Variants in ERLEC1 observed in about 807,000 individuals in gnomAD.
ERLEC1 encodes the protein ER lectin.
Under a neutral mutation model 68.0 loss-of-function variants are expected in ERLEC1, and 47 were observed. The ratio of observed to expected loss-of-function variants is 0.69; its 90% CI spans 0.55 to 0.88. The LOEUF is 0.88. Ranked by LOEUF, ERLEC1 falls within the 40% of genes least tolerant of loss-of-function variation. The pLI, the probability that ERLEC1 is intolerant of heterozygous loss-of-function variation, is 0.00. For synonymous variants in ERLEC1, 225 were observed against 203.2 expected (o/e 1.11, Z -0.91); for missense variants, 567 against 583.8 (o/e 0.97, Z 0.30).
intron 8 of ERLEC1, among the ~76,000 whole-genome samples, chr2:53,803,766 A>G (rs1242387069): frequency 2.6e-5 from 4 of 152,218 alleles, no homozygotes; most frequent in African/African-American, 9.6e-5. Flanking sequence ...TAATTAATTA[A>G]ATAATAGGTT....
intron 10 of ERLEC1, among the ~76,000 whole-genome samples, chr2:53,811,962 G>T (rs1676612119): frequency 6.6e-6 from 1 of 152,076 alleles, no homozygotes; most frequent in Non-Finnish European, 1.5e-5. Flanking sequence ...TTATTGCTCA[G>T]GCTGGAGTGC....
intron 8 of ERLEC1, among the ~76,000 whole-genome samples, chr2:53,805,242 C>T (rs1045100631): frequency 2.6e-5 from 4 of 151,954 alleles, no homozygotes; most frequent in Admixed American, 6.6e-5. Context: ...AAGCTGGTCT[C>T]GAACTCCTGA....
intron 1 of ERLEC1, among the ~76,000 whole-genome samples, chr2:53,792,582 ACTTAAAACAGTACTGTC>A (rs1027391097): frequency 6.6e-6 from 1 of 152,238 alleles, no homozygotes; most frequent in African/African-American, 2.4e-5. Flanking sequence ...AATGTAAAAC[ACTTAAAACAGTACTGTC>A]CTAGAACTAA....
chr2:53,810,168 C>G (rs941300269), intron 10 of ERLEC1, among the ~76,000 whole-genome samples: 14 of 151,862 alleles, frequency 9.2e-5, no homozygotes, highest in Admixed American at 7.9e-4. Context: ...GTTTCTCAGC[C>G]AAAAGAATAA....
intron 13 of ERLEC1, among the ~76,000 whole-genome samples, chr2:53,816,489 G>A (rs989046941): frequency 4.6e-5 from 7 of 151,752 alleles, no homozygotes; most frequent in African/African-American, 7.3e-5. Flanking sequence ...GCCTAGTCTC[G>A]AACTCCTGAC....
At chr2:53,810,312 A>C (rs1676523202) in intron 10 of ERLEC1, among the ~76,000 whole-genome samples, 1 of 152,164 alleles carries the variant, frequency 6.6e-6, no homozygotes, top group Non-Finnish European at 1.5e-5. Context: ...TCTACAAAAA[A>C]TTTTAAAAAT....
intron 5 of ERLEC1, 27 bp downstream of exon 5, chr2:53,797,822 G>C (rs368247208): frequency 4.4e-5 from 69 of 1,569,660 alleles, no homozygotes; most frequent in Middle Eastern, 2.1e-4. Flanking sequence ...TGATTTGACA[G>C]TAATGCTGGA....
At chr2:53,796,246 G>GTTTTT (rs200295316) in intron 3 of ERLEC1, among the ~76,000 whole-genome samples, 8 of 126,466 alleles carry the variant, frequency 6.3e-5, no homozygotes, top group Non-Finnish European at 8.3e-5. Context: ...TGATGGGTTG[G>GTTTTT]TTTTTTTTTT....
intron 1 of ERLEC1, 98 bp downstream of exon 1, chr2:53,787,470 C>G: frequency 7.2e-7 from 1 of 1,379,902 alleles, no homozygotes; most frequent in Non-Finnish European, 9.8e-7. Flanking sequence ...CCAAGACCTT[C>G]TCTGCAGACT....
chr2:53,789,657 A>G (rs1424145320), intron 1 of ERLEC1, among the ~76,000 whole-genome samples: 2 of 152,248 alleles, frequency 1.3e-5, no homozygotes, highest in Admixed American at 1.3e-4. Flanking sequence ...AAGCCACAAT[A>G]GTCATTATCA....
intron 1 of ERLEC1, among the ~76,000 whole-genome samples, chr2:53,790,099 G>T (rs913504795): frequency 2.0e-5 from 3 of 151,588 alleles, no homozygotes; most frequent in Non-Finnish European, 4.4e-5. Flanking sequence ...CAGTTGGTTG[G>T]ACATTTGTGT....
Position 53,814,875 on chromosome 2 carries a change from T to C in ERLEC1, c.1320T>C (p.Asp440=), listed in dbSNP as rs773592616. Residue 440 remains aspartate, a synonymous_variant, in exon 13 of 14, where the codon GAT becomes GAC. Transcript: ENST00000185150. ...VTVKLKCKES[D]SPHAVTVYML... ...TCTGTTTTAGGTGCAAAGAATCAGA[T>C]TCACCTCATGCTGTTACTGTATATA... is the stretch of plus-strand genomic sequence containing the variant. 6.2e-7 allele frequency: 1 copy of C among 1,608,618 alleles called. No homozygotes were observed. The highest frequency in any genetic ancestry group is 1.7e-4 in the Middle Eastern group (1 of 6,050).
chr2:53,809,195 A>T lies in ERLEC1; in HGVS notation c.1042-19A>T, dbSNP rs746151634. 1.3e-6 allele frequency: 2 copies of T among 1,572,032 alleles called. No homozygotes were observed. The highest frequency in any genetic ancestry group is 4.6e-5 in the East Asian group (2 of 43,406). ...GGCCCAGTTCTTAACTTGATCTAATATGTTTTCTTTTTTTTTAGGGTGTCG... is the reference window on the plus strand; with the variant it reads ...GGCCCAGTTCTTAACTTGATCTAATTTGTTTTCTTTTTTTTTAGGGTGTCG... On this transcript the variant is annotated intron_variant, in intron 9 of 13. Coordinates refer to ENST00000185150, the MANE Select transcript of ERLEC1 (RefSeq NM_015701.5).
chr2:53,805,409 G>T (rs2104316244), intron 8 of ERLEC1, among the ~76,000 whole-genome samples: 1 of 151,954 alleles, frequency 6.6e-6, no homozygotes, highest in Admixed American at 6.6e-5. Context: ...GTAGAGAAAG[G>T]GTCTTGCTAT....
Position 53,799,090 on chromosome 2 carries a change from C to T in ERLEC1, c.525+9C>T, listed in dbSNP as rs1291530811. 1.2e-6 allele frequency: 2 copies of T among 1,610,444 alleles called. No homozygotes were observed. Among genetic ancestry groups the T allele is most frequent in the African/African-American group, 1.3e-5 (1 of 74,978 alleles). On this transcript the variant is annotated intron_variant, in intron 6 of 13. Coordinates refer to ENST00000185150, the MANE Select transcript of ERLEC1 (RefSeq NM_015701.5). ...AGGAAAAATCAAATGAGGCAAGTGACAGATGTTGATTTTTTTCCTCTTAAC... is the reference window on the plus strand; with the variant it reads ...AGGAAAAATCAAATGAGGCAAGTGATAGATGTTGATTTTTTTCCTCTTAAC...
At position 53,787,305 on chromosome 2, in the gene ERLEC1, G is replaced by A. The variant is rs1165323990; in HGVS notation, c.95G>A (p.Arg32Gln). The change falls in exon 1 of 14, where the codon CGA becomes CAA. Residue 32 changes from arginine to glutamine, a missense_variant. Coordinates refer to ENST00000185150, the MANE Select transcript of ERLEC1 (RefSeq NM_015701.5). ...CGLLEASGGG[R>Q]ALPQLSDDIP... ...CTCCTGGAGGCGTCCGGCGGCGGCC[G>A]AGCCCTTCCTCAACTCAGCGATGAC... The A allele has an allele frequency of 2.5e-6, 4 of 1,610,430 alleles. No individual in the cohort carries two copies. The highest frequency in any genetic ancestry group is 1.7e-5 in the Admixed American group (1 of 60,000).
Position 53,818,552 on chromosome 2 carries a change from TTTATA to T in ERLEC1, c.*584_*588del, listed in dbSNP as rs1677018693. On this transcript the variant is annotated 3_prime_UTR_variant, in exon 14 of 14. Transcript: ENST00000185150. ...CCTTGTTAATCTCAAGAAACTCTTA[TTTATA>T]ATAGGTTGCTTCTCTCTCAGAACTT... The T allele has an allele frequency of 6.6e-6, 1 of 152,224 alleles. No individual in the cohort carries two copies. Among genetic ancestry groups the T allele is most frequent in the Non-Finnish European group, 1.5e-5 (1 of 68,044 alleles). 9.4% of individuals were successfully genotyped at this position (152,224 alleles called of 1,614,324 possible). A position where few individuals can be genotyped will look rare whatever the true frequency, so the allele number is the denominator to read the frequency against.
rs146109092 is a variant in ERLEC1 at position 53,802,803 on chromosome 2, C to T, written c.879+961C>T. Among the ~76,000 whole-genome samples, 48 of 152,278 alleles carry T rather than the reference C, an allele frequency of 3.2e-4. No individual in the cohort carries two copies. The East Asian group carries it at 9.1e-3, about 29-fold the overall frequency. ...CTGGAGTGCAGTGGCATGATCTCGG[C>T]TTACTGCAGTCTCCGCCTCCCTAGT... On this transcript the variant is annotated intron_variant, in intron 8 of 13. Transcript: ENST00000185150.
chr2:53,814,603 G>A lies in ERLEC1; in HGVS notation c.1287G>A (p.Gln429=). 1 of 1,610,776 alleles carries A rather than the reference G, an allele frequency of 6.2e-7. No individual in the cohort carries two copies. The highest frequency in any genetic ancestry group is 8.5e-7 in the Non-Finnish European group (1 of 1,177,874). ...DICDITDKPR[Q]VTVKLKCKES... is the part of the protein sequence containing the mutation. ...GTGATATAACTGACAAACCAAGACA[G>A]GTGACTGTAAAACTAAAGTAAGTTA... Residue 429 remains glutamine, a synonymous_variant, in exon 12 of 14, where the codon CAG becomes CAA. Transcript: ENST00000185150.
Sources: allele counts gnomAD v4.1 joint callset (sites outside exome capture counted in the v4.1 genomes callset), GRCh38; gene constraint gnomAD v4.1.1; transcripts MANE v1.5; gene names NCBI Gene and HGNC (gene_info 2026-07-23, HGNC 2026-07-21).